The following UROC1 variants were observed in gnomAD, a reference collection of about 807,000 sequenced individuals.
The protein encoded by UROC1 is urocanate hydratase 1.
In UROC1, 79 loss-of-function variants were observed where a neutral mutation model predicts 89.5. The ratio of observed to expected loss-of-function variants is 0.88; its 90% CI spans 0.74 to 1.06. UROC1 has a LOEUF of 1.06. UROC1 is among the 50% of genes least tolerant of loss of function. The pLI is 0.00. For synonymous variants in UROC1, 361 were observed against 354.8 expected, an observed-to-expected ratio of 1.02 and a Z score of -0.20; for missense variants, 885 against 907.8, an observed-to-expected ratio of 0.97 and a Z score of 0.32.
chr3:126,490,489 C>T (rs1935619440), intron 16 of UROC1, among the ~76,000 whole-genome samples: 1 of 152,130 alleles, frequency 6.6e-6, no homozygotes, highest in Non-Finnish European at 1.5e-5. Flanking sequence ...AGTTCGAGAC[C>T]AGCCTGGCCA....
chr3:126,504,206 A>G, intron 8 of UROC1, 123 bp from the exon 9 acceptor site: 1 of 939,366 alleles, frequency 1.1e-6, no homozygotes, highest in Non-Finnish European at 1.7e-6. Context: ...TCTATAACAC[A>G]GTCTCAGGGA....
chr3:126,517,771 A>G lies in UROC1; in HGVS notation c.-52T>C, dbSNP rs1449628049. 2.0e-5 allele frequency: 31 copies of G among 1,549,296 alleles called. No individual in the cohort carries two copies. Among genetic ancestry groups the G allele is most frequent in the Non-Finnish European group, 2.2e-5 (25 of 1,147,054 alleles). ...AGCACTGTGGGGAGGCCAGGAAGAG[A>G]CTGGGCAGATAGGGCAGGGACCTCT... is the stretch of plus-strand genomic sequence containing the variant. On this transcript the variant is annotated 5_prime_UTR_variant, in exon 1 of 20. Transcript: ENST00000290868.
chr3:126,504,868 C>T (rs1272494566), intron 8 of UROC1, among the ~76,000 whole-genome samples: 6 of 152,134 alleles, frequency 3.9e-5, no homozygotes, highest in Admixed American at 3.3e-4. Flanking sequence ...TATATTTGTC[C>T]CCCAAACCTC....
At chr3:126,501,324 C>T (rs1935918646) in intron 9 of UROC1, 44 bp from the exon 10 acceptor site, 2 of 1,612,068 alleles carry the variant, frequency 1.2e-6, no homozygotes, top group Non-Finnish European at 1.7e-6. Context: ...TGCACCTGTG[C>T]ATAGGTGCCC....
In UROC1 at chr3:126,509,578, C is replaced by T; in HGVS notation, c.351+7G>A. The stretch of plus-strand genomic sequence containing the variant: ...CAGTGCTGGGCCTCGGTTTCCCTGG[C>T]TATTACCTGGGCCACGGCAGGATCC... On this transcript the variant is annotated splice_region_variant and intron_variant, in intron 3 of 19. Transcript: ENST00000290868. 6.4e-7 allele frequency: 1 copy of T among 1,551,524 alleles called. No homozygotes were observed. The highest frequency in any genetic ancestry group is 2.4e-5 in the East Asian group (1 of 40,928).
intron 18 of UROC1, among the ~76,000 whole-genome samples, chr3:126,485,602 T>TA (rs1377516985): frequency 6.6e-6 from 1 of 151,364 alleles, no homozygotes; most frequent in African/African-American, 2.4e-5. Flanking sequence ...TTTATTTATT[T>TA]TTTTTTGGTA....
rs147353570 is a variant in UROC1 at position 126,500,091 on chromosome 3, G to A, written c.1209C>T (p.Tyr403=). 881 of 1,613,788 alleles carry A rather than the reference G, an allele frequency of 5.5e-4. 1 individual carries two copies. The highest frequency in any genetic ancestry group is 1.9e-3 in the Admixed American group (113 of 60,020). ...LAEEKFFFWD[Y]GNAFLLEAQR... ...GGGCCTCCAAGAGGAAGGCATTGCC[G>A]TAGTCCCAGAAGAAGAACTTCTCCT... The change falls in exon 12 of 20, where the codon TAC becomes TAT. Residue 403 remains tyrosine, a synonymous_variant. Coordinates refer to ENST00000290868, the MANE Select transcript of UROC1 (RefSeq NM_144639.3).
At chr3:126,502,097 C>T in intron 9 of UROC1, 1 of 781,392 alleles carries the variant, frequency 1.3e-6, no homozygotes, top group Non-Finnish European at 1.9e-6. Context: ...TGTGGATGTG[C>T]ATGCATTTGT....
intron 9 of UROC1, 69 bp downstream of exon 9, chr3:126,503,926 G>A (rs1007512559): frequency 1.8e-5 from 28 of 1,576,096 alleles, no homozygotes; most frequent in African/African-American, 5.4e-5. Flanking sequence ...GCCCCATGGG[G>A]GTCCTCTTGT....
chr3:126,508,838 G>A (rs1389673623), intron 3 of UROC1, among the ~76,000 whole-genome samples: 1 of 152,114 alleles, frequency 6.6e-6, no homozygotes, highest in Admixed American at 6.5e-5. Flanking sequence ...GGAATGCAGG[G>A]ACACACCCCA....
At position 126,481,822 on chromosome 3, in the gene UROC1, G is replaced by C. The variant is rs954928940; in HGVS notation, c.*523C>G. On this transcript the variant is annotated 3_prime_UTR_variant, in exon 20 of 20. Transcript: ENST00000290868. ...TTTATCCTTAGGGCAGACCCGGCCT[G>C]CCCGTCCCACCAGCCCACAGTGCAG... The C allele has an allele frequency of 1.8e-5, 3 of 162,836 alleles. No homozygotes were observed. The highest frequency in any genetic ancestry group is 1.2e-4 in the Admixed American group (2 of 17,116). 10.1% of individuals were successfully genotyped at this position (162,836 alleles called of 1,614,324 possible).
chr3:126,496,961 AG>A (rs1263074154), intron 14 of UROC1, among the ~76,000 whole-genome samples: 1 of 152,126 alleles, frequency 6.6e-6, no homozygotes, highest in Non-Finnish European at 1.5e-5. Context: ...GCAGCAGCTC[AG>A]GGCTTCTTTC....
Position 126,508,003 on chromosome 3 carries a change from G to A in UROC1, c.504C>T (p.Ser168=), listed in dbSNP as rs781318966. The change falls in exon 5 of 20, where the codon AGC becomes AGT. Residue 168 remains serine, a synonymous_variant. Transcript: ENST00000290868. ...TGATGACGAGCCGTGGGGCACTGCGGCTGCTGGGAAAGAGGCCAAGTGGGT... is the reference window on the plus strand; with the variant it reads ...TGATGACGAGCCGTGGGGCACTGCGACTGCTGGGAAAGAGGCCAAGTGGGT... ...SGHPLGLFPS[S]RSAPRLVITN... is the part of the protein sequence containing the mutation. 2.4e-5 allele frequency: 38 copies of A among 1,614,028 alleles called. No individual in the cohort carries two copies. In the East Asian group the frequency reaches 8.5e-4, roughly 36 times the overall value.
At chr3:126,496,239 C>T in intron 14 of UROC1, 131 bp from the exon 15 acceptor site, 1 of 766,060 alleles carries the variant, frequency 1.3e-6, no homozygotes, top group Non-Finnish European at 2.2e-6. Flanking sequence ...TGAGGGAGCC[C>T]ACCCCACCCC....
chr3:126,492,536 T>C lies in UROC1; in HGVS notation c.1510-20A>G, dbSNP rs1322937194. The C allele has an allele frequency of 6.3e-7, 1 of 1,598,914 alleles. No individual in the cohort carries two copies. On this transcript the variant is annotated intron_variant, in intron 15 of 19. Coordinates refer to ENST00000290868, the MANE Select transcript of UROC1 (RefSeq NM_144639.3). ...CACCACCTGAGGAGAGAAGGGCAACTGGCATCTCAGCCAACATAGGCAGCA... is the reference window on the plus strand; with the variant it reads ...CACCACCTGAGGAGAGAAGGGCAACCGGCATCTCAGCCAACATAGGCAGCA...
intron 10 of UROC1, 43 bp downstream of exon 10, chr3:126,501,175 T>A: frequency 6.2e-7 from 1 of 1,607,888 alleles, no homozygotes; most frequent in Non-Finnish European, 8.5e-7. Context: ...GGGGGCCCCA[T>A]CTGGGTTCCC....
At chr3:126,497,420 A>C (rs969202265) in intron 14 of UROC1, among the ~76,000 whole-genome samples, 2 of 152,258 alleles carry the variant, frequency 1.3e-5, no homozygotes, top group Non-Finnish European at 2.9e-5. Flanking sequence ...ATGGAAAAAC[A>C]CAACCCTCTG....
At chr3:126,486,705 C>A (rs776423233) in intron 18 of UROC1, among the ~76,000 whole-genome samples, 1 of 152,194 alleles carries the variant, frequency 6.6e-6, no homozygotes, top group Non-Finnish European at 1.5e-5. Flanking sequence ...GGGATCAATG[C>A]GCAGGAAAGA....
rs117799765 is a variant in UROC1 at position 126,502,134 on chromosome 3, A to G, written c.903-854T>C. ...CATATATATGTATATATGCGTGTAT[A>G]TGCATATGTGTATGTATGCATGTGA... On this transcript the variant is annotated intron_variant, in intron 9 of 19. Transcript: ENST00000290868. Among the ~76,000 whole-genome samples, 337 of 152,266 alleles carry G rather than the reference A, an allele frequency of 2.2e-3. 6 individuals carry two copies. The East Asian group carries it at 0.055, about 25-fold the overall frequency.
Sources: allele counts gnomAD v4.1 joint callset (sites outside exome capture counted in the v4.1 genomes callset), GRCh38; gene constraint gnomAD v4.1.1; transcripts MANE v1.5; gene names NCBI Gene and HGNC (gene_info 2026-07-23, HGNC 2026-07-21).